The following SH3TC2 variants were observed in gnomAD, a reference collection of about 807,000 sequenced individuals.
The protein encoded by SH3TC2 is SH3 domain and tetratricopeptide repeats 2.
Under a neutral mutation model 124.5 loss-of-function variants are expected in SH3TC2, and 87 were observed. The observed-to-expected ratio is 0.70, with a 90% CI of 0.59 to 0.84. The LOEUF is 0.84. Ranked by LOEUF, SH3TC2 falls within the 40% of genes least tolerant of loss-of-function variation. SH3TC2 has a pLI of 0.00. For synonymous variants in SH3TC2, 634 were observed against 628.5 expected, an observed-to-expected ratio of 1.01 and a Z score of -0.13; for missense variants, 1,536 against 1,566.4, an observed-to-expected ratio of 0.98 and a Z score of 0.33.
rs557382522 is a variant in SH3TC2, at chr5:149,004,153, G to A, written c.*558C>T. ...TTCGTGCAATCCATCTGGCCATTCTGAGGCTGTGTCTTTTGAGCTAAGATC... is the reference window on the plus strand; with the variant it reads ...TTCGTGCAATCCATCTGGCCATTCTAAGGCTGTGTCTTTTGAGCTAAGATC... On this transcript the variant is annotated 3_prime_UTR_variant, in exon 17 of 17. Transcript: ENST00000515425. 2 of 178,032 alleles carry A rather than the reference G, an allele frequency of 1.1e-5. No individual in the cohort carries two copies. The highest frequency in any genetic ancestry group is 3.3e-4 in the East Asian group (2 of 6,126). The allele number at this position is 178,032 out of a possible 1,614,324, so 11.0% of individuals were successfully genotyped here.
At position 149,001,675 on chromosome 5, in the gene SH3TC2, T is replaced by A. The variant is rs191756411; in HGVS notation, c.*3036A>T. On this transcript the variant is annotated 3_prime_UTR_variant, in exon 17 of 17. Coordinates refer to ENST00000515425, the MANE Select transcript of SH3TC2 (RefSeq NM_024577.4). ...TAGTAATTGCAATTATATAGCACAA[T>A]GTTTTTCTTATTTTAAAAAAATAGT... 1.8e-4 allele frequency: 27 copies of A among 152,346 alleles called. No individual in the cohort carries two copies. Among genetic ancestry groups the A allele is most frequent in the Admixed American group, 1.8e-3 (27 of 15,308 alleles). 9.4% of individuals were successfully genotyped at this position (152,346 alleles called of 1,614,324 possible). A position where few individuals can be genotyped will look rare whatever the true frequency, so the allele number is the denominator to read the frequency against.
At chr5:149,025,108 G>A (rs1046641658) in intron 12 of SH3TC2, among the ~76,000 whole-genome samples, 4 of 152,098 alleles carry the variant, frequency 2.6e-5, no homozygotes, top group African/African-American at 2.4e-5. Context: ...GTTAATTCAA[G>A]CCTGCCTTCT....
intron 12 of SH3TC2, among the ~76,000 whole-genome samples, chr5:149,021,884 C>CAAGAAATTGAAGAGGAAGGAA (rs1355286432): frequency 3.0e-4 from 10 of 32,856 alleles, no homozygotes; most frequent in Middle Eastern, 0.02. Flanking sequence ...CAAACTCTTT[C>CAAGAAATTGAAGAGGAAGGAA]TTTTTTTTTT....
chr5:149,029,461 AAC>A (rs2127398039), intron 9 of SH3TC2, among the ~76,000 whole-genome samples: 1 of 152,270 alleles, frequency 6.6e-6, no homozygotes, highest in Admixed American at 6.5e-5. Context: ...AGACTTTGCA[AAC>A]ACAGGTTTGT....
Position 148,994,967 on chromosome 5 carries a change from T to G in SH3TC2, c.*9744A>C, listed in dbSNP as rs1356595305. ...GAGACTTGGGATTATGAAACAATAC[T>G]CTGGACCACTCAGGCCTCAAAATAC... On this transcript the variant is annotated 3_prime_UTR_variant, in exon 17 of 17. Transcript: ENST00000515425. 2.6e-5 allele frequency among the ~76,000 whole-genome samples: 4 copies of G among 152,170 alleles called. No individual in the cohort carries two copies. The highest frequency in any genetic ancestry group is 9.7e-5 in the African/African-American group (4 of 41,440).
At chr5:149,018,481 C>T (rs113033284) in intron 12 of SH3TC2, among the ~76,000 whole-genome samples, 2,374 of 152,196 alleles carry the variant, frequency 0.016, 42 homozygotes, top group Non-Finnish European at 0.024. Flanking sequence ...GTGAAAAGCA[C>T]GTCTTACATG....
Position 148,996,079 on chromosome 5 carries a change from A to C in SH3TC2, c.*8632T>G, listed in dbSNP as rs946348873. On this transcript the variant is annotated 3_prime_UTR_variant, in exon 17 of 17. Transcript: ENST00000515425. ...CAACATGGTGGAAACCCATCTCTAC[A>C]AAAACTACCAAAAAAAAAAAAAATT... Among the ~76,000 whole-genome samples the C allele has an allele frequency of 2.1e-5, 3 of 145,366 alleles. No individual in the cohort carries two copies. The highest frequency in any genetic ancestry group is 4.6e-5 in the Non-Finnish European group (3 of 65,280).
At position 149,038,283 on chromosome 5, in the gene SH3TC2, G is replaced by T; in HGVS notation, c.1001+12C>A. Reference sequence around the variant, plus strand: ...AGCCCAGCTCCAGGACATGCTCACTGTCAATACTCACATTGGGGAATAAGA... The same window carrying T: ...AGCCCAGCTCCAGGACATGCTCACTTTCAATACTCACATTGGGGAATAAGA... On this transcript the variant is annotated intron_variant, in intron 8 of 16. Coordinates refer to ENST00000515425, the MANE Select transcript of SH3TC2 (RefSeq NM_024577.4). 1 of 1,613,256 alleles carries T rather than the reference G, an allele frequency of 6.2e-7. No homozygotes were observed. Among genetic ancestry groups the T allele is most frequent in the East Asian group, 2.2e-5 (1 of 44,864 alleles).
intron 3 of SH3TC2, chr5:149,047,536 A>G (rs1221675774): frequency 6.2e-6 from 2 of 325,154 alleles, no homozygotes; most frequent in Non-Finnish European, 1.2e-5. Flanking sequence ...CGCATTAGAA[A>G]AAAAGTATAC....
rs143535591 is a variant in SH3TC2 at position 149,053,070 on chromosome 5, A to G, written c.53-830T>C. Among the ~76,000 whole-genome samples the G allele has an allele frequency of 1.3e-3, 198 of 152,284 alleles. 1 individual carries two copies. The highest frequency in any genetic ancestry group is 4.6e-3 in the African/African-American group (191 of 41,560). The stretch of plus-strand genomic sequence containing the variant: ...AACTGTACCATGGAGTCAGAATGTG[A>G]TAAGTATTACCTGGTCCTGAAAAGC... On this transcript the variant is annotated intron_variant, in intron 1 of 16. Coordinates refer to ENST00000515425, the MANE Select transcript of SH3TC2 (RefSeq NM_024577.4).
intron 12 of SH3TC2, among the ~76,000 whole-genome samples, chr5:149,013,623 T>G (rs963249791): frequency 2.6e-5 from 4 of 152,146 alleles, no homozygotes; most frequent in Admixed American, 6.5e-5. Context: ...AGAGTGAAAG[T>G]TTTAACAGGT....
rs1753526152 is a variant in SH3TC2, at chr5:148,997,254, T to G, written c.*7457A>C. Reference sequence around the variant, plus strand: ...TTCCCTTCCTCAGATGTCCATAGTCTTCTACGATTGGCTCTGGAGTCTCTT... The same window carrying G: ...TTCCCTTCCTCAGATGTCCATAGTCGTCTACGATTGGCTCTGGAGTCTCTT... On this transcript the variant is annotated 3_prime_UTR_variant, in exon 17 of 17. Transcript: ENST00000515425. Among the ~76,000 whole-genome samples the G allele has an allele frequency of 6.6e-6, 1 of 152,226 alleles. No homozygotes were observed. Among genetic ancestry groups the G allele is most frequent in the Non-Finnish European group, 1.5e-5 (1 of 68,042 alleles).
Position 149,010,305 on chromosome 5 carries a change from TC to T in SH3TC2, c.3291del (p.Thr1098ProfsTer18), listed in dbSNP as rs1580889913. On this transcript the variant is annotated frameshift_variant, in exon 14 of 17. Coordinates refer to ENST00000515425, the MANE Select transcript of SH3TC2 (RefSeq NM_024577.4). LOFTEE classifies it high-confidence loss of function. Reference protein sequence around the residue: ...YEEAGDVFFNGTRHRHHAVEY... With the variant: ...YEEAGDVFFNXTRHRHHAVEY... ...TCCACTGCATGATGCCTGTGGCGGG[TC>T]CCATTGAAGAACACATCACCTGCTT... is the stretch of plus-strand genomic sequence containing the variant. 8 of 1,606,836 alleles carry T rather than the reference TC, an allele frequency of 5.0e-6. No individual in the cohort carries two copies. Among genetic ancestry groups the T allele is most frequent in the Non-Finnish European group, 5.9e-6 (7 of 1,177,618 alleles).
intron 12 of SH3TC2, among the ~76,000 whole-genome samples, chr5:149,014,415 C>T (rs147426416): frequency 1.5e-3 from 230 of 152,314 alleles, no homozygotes; most frequent in Non-Finnish European, 2.6e-3. Context: ...CCTCAACAAA[C>T]GTGGTTACCA....
At chr5:149,062,593 GT>G (rs1237599420) in intron 1 of SH3TC2, among the ~76,000 whole-genome samples, 2 of 152,210 alleles carry the variant, frequency 1.3e-5, no homozygotes, top group Non-Finnish European at 2.9e-5. Context: ...CTAAGGCCAA[GT>G]TTATGGCCAC....
chr5:149,052,884 T>TA lies in SH3TC2; in HGVS notation c.53-645dup, dbSNP rs747584988. ...GAAAAGAAAGAAGATGGTGCACCTATAAAGCATAATGAAGTAGTTACAGAA... is the reference window on the plus strand; with the variant it reads ...GAAAAGAAAGAAGATGGTGCACCTATAAAAGCATAATGAAGTAGTTACAGAA... On this transcript the variant is annotated intron_variant, in intron 1 of 16. Coordinates refer to ENST00000515425, the MANE Select transcript of SH3TC2 (RefSeq NM_024577.4). Among the ~76,000 whole-genome samples the TA allele has an allele frequency of 1.0e-3, 159 of 152,322 alleles. 1 individual carries two copies. The highest frequency in any genetic ancestry group is 1.7e-3 in the Non-Finnish European group (118 of 68,020).
At chr5:149,008,797 T>C in intron 15 of SH3TC2, 54 bp downstream of exon 15, 1 of 1,611,742 alleles carries the variant, frequency 6.2e-7, no homozygotes, top group South Asian at 1.1e-5. Flanking sequence ...TTGCTGTCTA[T>C]CCTTGACTAA....
At chr5:149,059,484 T>C (rs1754708360) in intron 1 of SH3TC2, among the ~76,000 whole-genome samples, 2 of 152,078 alleles carry the variant, frequency 1.3e-5, no homozygotes, top group Non-Finnish European at 2.9e-5. Flanking sequence ...CTGCATGTTT[T>C]TTTTTTCCTG....
intron 11 of SH3TC2, 46 bp downstream of exon 11, chr5:149,026,814 C>T: frequency 6.2e-7 from 1 of 1,614,158 alleles, no homozygotes. Flanking sequence ...AAAACTTGAT[C>T]CAACACTTTT....
Sources: gnomAD v4.1 joint callset for allele counts (sites outside exome capture counted in the v4.1 genomes callset) on GRCh38, gnomAD v4.1.1 for gene constraint, MANE v1.5 for transcripts, NCBI Gene and HGNC (gene_info 2026-07-23, HGNC 2026-07-21) for gene names.